Variants in CNTNAP3B observed in about 807,000 individuals in gnomAD.
The protein encoded by CNTNAP3B is contactin associated protein family member 3B, also known as contactin-associated protein-like 3B.
A neutral mutation model predicts 108.9 loss-of-function variants in CNTNAP3B; 25 were observed. The ratio of observed to expected loss-of-function variants is 0.23; its 90% CI spans 0.17 to 0.32. The LOEUF is 0.32. Among genes scored for constraint, CNTNAP3B ranks in the 10% least tolerant of loss-of-function variants. The probability of loss-of-function intolerance (pLI) is 1.00; values close to 1 mark genes in which losing one functional copy is unlikely to be tolerated. For missense variants in CNTNAP3B, 252 were observed against 1,210.4 expected (o/e 0.21, Z 11.75); for synonymous variants, 103 against 473.4 (o/e 0.22, Z 10.16).
At chr9:42,046,056 C>T (rs1677739577) in intron 3 of CNTNAP3B, among the ~76,000 whole-genome samples, 1 of 123,858 alleles carries the variant, frequency 8.1e-6, no homozygotes, top group Non-Finnish European at 1.7e-5. Flanking sequence ...TCCCACAGAG[C>T]TGTTGTCCCC....
At chr9:42,049,315 G>A (rs1826931802) in intron 3 of CNTNAP3B, among the ~76,000 whole-genome samples, 1 of 139,608 alleles carries the variant, frequency 7.2e-6, no homozygotes, top group Non-Finnish European at 1.5e-5. Flanking sequence ...TTGACATGCT[G>A]ACTCTTTCTG....
At chr9:41,920,851 T>C (rs1200297206) in intron 17 of CNTNAP3B, among the ~76,000 whole-genome samples, 3 of 152,302 alleles carry the variant, frequency 2.0e-5, no homozygotes, top group Non-Finnish European at 4.4e-5. Context: ...TTGGAAGGGG[T>C]GACACCATAC....
chr9:42,124,041 A>G (rs949590420), intron 1 of CNTNAP3B, among the ~76,000 whole-genome samples: 2 of 135,846 alleles, frequency 1.5e-5, no homozygotes, highest in East Asian at 2.2e-4. Context: ...CAGGCAATAC[A>G]TACTAGACCA....
At chr9:41,943,843 A>C (rs1181881212) in intron 13 of CNTNAP3B, among the ~76,000 whole-genome samples, 1 of 152,294 alleles carries the variant, frequency 6.6e-6, no homozygotes, top group African/African-American at 2.4e-5. Context: ...AATACAAAAA[A>C]AACCACACCT....
At chr9:42,022,151 A>T (rs1338605009) in intron 3 of CNTNAP3B, among the ~76,000 whole-genome samples, 2 of 130,938 alleles carry the variant, frequency 1.5e-5, no homozygotes, top group Non-Finnish European at 3.2e-5. Context: ...TTCCTCATGA[A>T]TTCCAGCAGA....
intron 13 of CNTNAP3B, among the ~76,000 whole-genome samples, chr9:41,938,681 T>C (rs1247749040): frequency 6.6e-6 from 1 of 152,278 alleles, no homozygotes. Context: ...TCTATAGAAA[T>C]AACATTCAAA....
intron 2 of CNTNAP3B, among the ~76,000 whole-genome samples, chr9:42,089,440 GTAGT>G (rs1229960250): frequency 7.4e-6 from 1 of 135,648 alleles, no homozygotes; most frequent in East Asian, 2.3e-4. Flanking sequence ...GAAATTCTAA[GTAGT>G]TAAAGATCGC....
intron 12 of CNTNAP3B, among the ~76,000 whole-genome samples, chr9:41,956,185 G>C (rs1450543301): frequency 6.6e-6 from 1 of 152,194 alleles, no homozygotes; most frequent in South Asian, 2.1e-4. Flanking sequence ...AGGAGATCGA[G>C]ACCATCCTGG....
chr9:41,961,618 A>T (rs1469125316), intron 11 of CNTNAP3B, among the ~76,000 whole-genome samples: 1 of 152,296 alleles, frequency 6.6e-6, no homozygotes, highest in Admixed American at 6.5e-5. Context: ...AAACAATATG[A>T]ATGAGCATTT....
rs375039962 is a variant in CNTNAP3B at position 41,983,161 on chromosome 9, C to T, written c.1477+3007G>A. 7.3e-5 allele frequency: 10 copies of T among 137,362 alleles called. 3 individuals are homozygous for T. Among genetic ancestry groups the T allele is most frequent in the African/African-American group, 2.9e-4 (10 of 34,370 alleles). 8.5% of individuals were successfully genotyped at this position (137,362 alleles called of 1,614,324 possible). ...CATTACATGCAATTTACCTATATAA[C>T]AAACCTGCACATGTATACCTCTGAA... On this transcript the variant is annotated intron_variant, in intron 9 of 23. Coordinates refer to ENST00000377561, the MANE Select transcript of CNTNAP3B (RefSeq NM_001201380.3).
In CNTNAP3B at chr9:42,097,593, A is replaced by G. The variant is rs957808988; in HGVS notation, c.196+7036T>C. Among the ~76,000 whole-genome samples the G allele has an allele frequency of 2.2e-4, 31 of 140,254 alleles. 5 individuals are homozygous for G. The highest frequency in any genetic ancestry group is 8.4e-4 in the African/African-American group (30 of 35,570). 92.0% of individuals were successfully genotyped at this position (140,254 alleles called of 152,430 possible). A position where few individuals can be genotyped will look rare whatever the true frequency, so the allele number is the denominator to read the frequency against. On this transcript the variant is annotated intron_variant, in intron 2 of 23. Transcript: ENST00000377561. ...ATCTAAAAAAATAATTACGTACTTCAAAAACTAAAAATGCATTCACTGAGA... is the reference window on the plus strand; with the variant it reads ...ATCTAAAAAAATAATTACGTACTTCGAAAACTAAAAATGCATTCACTGAGA...
intron 11 of CNTNAP3B, among the ~76,000 whole-genome samples, chr9:41,962,452 C>A (rs1261563941): frequency 6.6e-6 from 1 of 151,972 alleles, no homozygotes; most frequent in Non-Finnish European, 1.5e-5. Flanking sequence ...TGATTAATTG[C>A]AACATTAAAT....
chr9:41,924,590 G>C (rs1329181428), intron 15 of CNTNAP3B, among the ~76,000 whole-genome samples: 2 of 151,338 alleles, frequency 1.3e-5, no homozygotes, highest in Non-Finnish European at 2.9e-5. Context: ...ATTTGAAGGA[G>C]GTAGTTGGAA....
chr9:41,958,070 C>A (rs1486097005), intron 12 of CNTNAP3B, among the ~76,000 whole-genome samples: 1 of 152,256 alleles, frequency 6.6e-6, no homozygotes, highest in Non-Finnish European at 1.5e-5. Flanking sequence ...TTAATGCTTG[C>A]TCTGTCTCTT....
At chr9:42,015,649 C>T (rs1826204299) in intron 3 of CNTNAP3B, among the ~76,000 whole-genome samples, 1 of 24,464 alleles carries the variant, frequency 4.1e-5, no homozygotes, top group African/African-American at 1.7e-4. Flanking sequence ...GACTGTGACC[C>T]AGGTTGGTCA....
At chr9:42,110,136 G>C (rs1369846985) in intron 1 of CNTNAP3B, among the ~76,000 whole-genome samples, 1 of 106,624 alleles carries the variant, frequency 9.4e-6, no homozygotes, top group Non-Finnish European at 2.0e-5. Flanking sequence ...TTCTCACAAG[G>C]GCCATAGGAA....
intron 14 of CNTNAP3B, among the ~76,000 whole-genome samples, chr9:41,935,221 C>A (rs1341211238): frequency 1.3e-5 from 2 of 152,290 alleles, no homozygotes; most frequent in Non-Finnish European, 2.9e-5. Flanking sequence ...GCCTGAGGAA[C>A]TGTCTGATCA....
At position 42,129,397 on chromosome 9, in the gene CNTNAP3B, C is replaced by A. The variant is rs202202531; in HGVS notation, c.-303G>T. The A allele has an allele frequency of 0.098, 29,318 of 298,060 alleles. 2,666 individuals carry two copies. Among genetic ancestry groups the A allele is most frequent in the Admixed American group, 0.16 (2,557 of 15,656 alleles). 18.5% of individuals were successfully genotyped at this position (298,060 alleles called of 1,614,324 possible). ...GTTCAGGCGCGTCCCGGACACTAGGCGCGGGAGGCGGCCGGCACCAACGCG... is the reference window on the plus strand; with the variant it reads ...GTTCAGGCGCGTCCCGGACACTAGGAGCGGGAGGCGGCCGGCACCAACGCG... On this transcript the variant is annotated 5_prime_UTR_variant, in exon 1 of 24. Coordinates refer to ENST00000377561, the MANE Select transcript of CNTNAP3B (RefSeq NM_001201380.3).
intron 1 of CNTNAP3B, among the ~76,000 whole-genome samples, chr9:42,111,687 A>G (rs1220961993): frequency 7.2e-6 from 1 of 138,676 alleles, no homozygotes; most frequent in Non-Finnish European, 1.5e-5. Flanking sequence ...ACTGAAAAAT[A>G]CTCAATAAGT....
Sources: allele counts gnomAD v4.1 joint callset (sites outside exome capture counted in the v4.1 genomes callset), GRCh38; gene constraint gnomAD v4.1.1; transcripts MANE v1.5; gene names NCBI Gene and HGNC (gene_info 2026-07-23, HGNC 2026-07-21).